The following N4BP2 variants were observed in gnomAD, a reference collection of about 807,000 sequenced individuals.
N4BP2 encodes the protein NEDD4 binding protein 2, also known as NEDD4-binding protein 2.
In N4BP2, 91 loss-of-function variants were observed where a neutral mutation model predicts 152.8. The ratio of observed to expected loss-of-function variants is 0.60; its 90% CI spans 0.50 to 0.71. The LOEUF is 0.71. Among genes scored for constraint, N4BP2 ranks in the 30% least tolerant of loss-of-function variants. The pLI is 0.00. For synonymous variants in N4BP2, 646 were observed against 705.3 expected (o/e 0.92, Z 1.33); for missense variants, 1,923 against 2,059.1 (o/e 0.93, Z 1.28).
rs537042367 is a variant in N4BP2, at chr4:40,158,245, T to C, written c.*4008T>C. ...ACATACTTAATTTAATAAAATACTT[T>C]AGCCACAGTCCAGTGTGAGGAAATC... On this transcript the variant is annotated 3_prime_UTR_variant, in exon 18 of 18. Coordinates refer to ENST00000261435, the MANE Select transcript of N4BP2 (RefSeq NM_018177.6). 1.3e-5 allele frequency: 2 copies of C among 152,232 alleles called. No individual in the cohort carries two copies. The highest frequency in any genetic ancestry group is 1.3e-4 in the Admixed American group (2 of 15,286). The allele number at this position is 152,232 out of a possible 1,614,324, so 9.4% of individuals were successfully genotyped here. A position where few individuals can be genotyped will look rare whatever the true frequency, so the allele number is the denominator to read the frequency against.
At chr4:40,129,221 ATTTTG>A (rs1362620517) in intron 12 of N4BP2, among the ~76,000 whole-genome samples, 1 of 148,060 alleles carries the variant, frequency 6.8e-6, no homozygotes, top group African/African-American at 2.5e-5. Context: ...GCTAGTTTTT[ATTTTG>A]TTTTGTTTTG....
At chr4:40,089,729 AC>A (rs1714349724) in intron 2 of N4BP2, among the ~76,000 whole-genome samples, 1 of 151,970 alleles carries the variant, frequency 6.6e-6, no homozygotes, top group South Asian at 2.1e-4. Context: ...GAGCCACTGC[AC>A]CCAGCCACGA....
chr4:40,133,894 C>T (rs1402902937), intron 13 of N4BP2, among the ~76,000 whole-genome samples: 5 of 152,164 alleles, frequency 3.3e-5, no homozygotes, highest in Non-Finnish European at 7.4e-5. Flanking sequence ...CAGCCTTGAC[C>T]TCCTAAGCTC....
At chr4:40,073,057 T>G (rs1712370550) in intron 1 of N4BP2, among the ~76,000 whole-genome samples, 1 of 152,174 alleles carries the variant, frequency 6.6e-6, no homozygotes, top group Non-Finnish European at 1.5e-5. Flanking sequence ...CCTAATGATT[T>G]TAGCATTCAT....
chr4:40,121,308 T>C lies in N4BP2; in HGVS notation c.3197T>C (p.Ile1066Thr). Residue 1066 changes from isoleucine to threonine, a missense_variant, in exon 9 of 18, where the codon ATT becomes ACT. Ile to Thr is a moderately conservative substitution (Grantham distance 89). Coordinates refer to ENST00000261435, the MANE Select transcript of N4BP2 (RefSeq NM_018177.6). ...INTKSDVQEA[I>T]PYRVMYDKST... Reference sequence around the variant, plus strand: ...ACAAAATCAGACGTTCAAGAAGCAATTCCATATAGAGTAATGTATGATAAA... The same window carrying C: ...ACAAAATCAGACGTTCAAGAAGCAACTCCATATAGAGTAATGTATGATAAA... The C allele has an allele frequency of 6.2e-7, 1 of 1,613,938 alleles. No homozygotes were observed. The highest frequency in any genetic ancestry group is 8.5e-7 in the Non-Finnish European group (1 of 1,179,966).
intron 14 of N4BP2, among the ~76,000 whole-genome samples, chr4:40,141,404 A>G (rs1428559147): frequency 2.0e-5 from 3 of 151,090 alleles, no homozygotes; most frequent in Non-Finnish European, 4.4e-5. Flanking sequence ...CTCACCTCCC[A>G]GACGGGGTCG....
intron 2 of N4BP2, among the ~76,000 whole-genome samples, chr4:40,082,347 A>T (rs1713470667): frequency 6.6e-6 from 1 of 152,008 alleles, no homozygotes; most frequent in African/African-American, 2.4e-5. Context: ...CCATTATGTC[A>T]ATCTAAAGAG....
intron 3 of N4BP2, among the ~76,000 whole-genome samples, chr4:40,097,966 C>T (rs1715253753): frequency 1.3e-5 from 2 of 152,152 alleles, no homozygotes; most frequent in African/African-American, 4.8e-5. Context: ...CCTTACCACC[C>T]AGTTGTGACA....
At position 40,120,388 on chromosome 4, in the gene N4BP2, A is replaced by G; in HGVS notation, c.2277A>G (p.Arg759=). The G allele has an allele frequency of 6.2e-7, 1 of 1,613,944 alleles. No homozygotes were observed. The highest frequency in any genetic ancestry group is 8.5e-7 in the Non-Finnish European group (1 of 1,180,008). Residue 759 remains arginine, a synonymous_variant, in exon 9 of 18, where the codon AGA becomes AGG. Transcript: ENST00000261435. ...CACCTGGTGAAATAGTGGAAGAAAGAGCAACAGTAACGAAAAAAGCCTTTG... is the reference window on the plus strand; with the variant it reads ...CACCTGGTGAAATAGTGGAAGAAAGGGCAACAGTAACGAAAAAAGCCTTTG... ...KSSPGEIVEE[R]ATVTKKAFGK... is the part of the protein sequence containing the mutation.
intron 13 of N4BP2, among the ~76,000 whole-genome samples, chr4:40,133,020 T>C (rs926818559): frequency 2.0e-5 from 3 of 152,142 alleles, no homozygotes; most frequent in Non-Finnish European, 4.4e-5. Flanking sequence ...AGCCCGCCAT[T>C]TTTCCCTCTG....
intron 2 of N4BP2, among the ~76,000 whole-genome samples, chr4:40,087,131 ATGTT>A (rs2109931078): frequency 6.6e-6 from 1 of 152,190 alleles, no homozygotes; most frequent in African/African-American, 2.4e-5. Context: ...ATTGGGTTCA[ATGTT>A]CTATAGATAT....
chr4:40,116,316 T>TTA (rs1717328658), intron 7 of N4BP2, among the ~76,000 whole-genome samples: 1 of 152,158 alleles, frequency 6.6e-6, no homozygotes, highest in Admixed American at 6.6e-5. Flanking sequence ...TTAGAATTAT[T>TTA]CATATAATTG....
At chr4:40,062,831 A>G (rs1056390011) in intron 1 of N4BP2, among the ~76,000 whole-genome samples, 2 of 152,182 alleles carry the variant, frequency 1.3e-5, no homozygotes, top group Non-Finnish European at 2.9e-5. Context: ...TGGTAGCTCT[A>G]GGAGAAAGCC....
the N4BP2 span, among the ~76,000 whole-genome samples, chr4:40,188,995 A>C: frequency 6.6e-6 from 1 of 151,696 alleles, no homozygotes; most frequent in Admixed American, 6.6e-5. Flanking sequence ...AAATACAAAA[A>C]ATTAGCCGGG....
intron 2 of N4BP2, among the ~76,000 whole-genome samples, chr4:40,085,777 C>G (rs1057242374): frequency 6.6e-6 from 1 of 152,102 alleles, no homozygotes; most frequent in African/African-American, 2.4e-5. Context: ...AGAGATTGAT[C>G]AGCTGTTTAA....
chr4:40,174,075 A>G, the N4BP2 span, among the ~76,000 whole-genome samples: 1 of 152,230 alleles, frequency 6.6e-6, no homozygotes, highest in Non-Finnish European at 1.5e-5. Context: ...ACAACTGGAT[A>G]GCTATTGTCA....
intron 14 of N4BP2, chr4:40,142,336 G>A: frequency 3.1e-6 from 1 of 319,012 alleles, no homozygotes. Context: ...AGTTGGGCTG[G>A]GGGTGACTGG....
In N4BP2 at chr4:40,103,096, A is replaced by C; in HGVS notation, c.1251A>C (p.Thr417=). The part of the protein sequence containing the change: ...PTKVWRNKDG[T]SAYQVQETPV... ...AAGTATGGAGAAATAAAGATGGAAC[A>C]AGTGCTTATCAAGTACAAGAAACCC... Residue 417 remains threonine (T), a synonymous_variant, in exon 4 of 18, where the codon ACA becomes ACC. Transcript: ENST00000261435. 1 of 1,614,210 alleles carries C rather than the reference A, an allele frequency of 6.2e-7. No individual in the cohort carries two copies. The highest frequency in any genetic ancestry group is 1.3e-5 in the African/African-American group (1 of 75,050).
intron 1 of N4BP2, among the ~76,000 whole-genome samples, chr4:40,068,284 T>G (rs1378793035): frequency 6.6e-6 from 1 of 152,234 alleles, no homozygotes; most frequent in East Asian, 1.9e-4. Context: ...TATTATTCTG[T>G]TGATTGTTTC....
Sources: gnomAD v4.1 joint callset for allele counts (sites outside exome capture counted in the v4.1 genomes callset) on GRCh38, gnomAD v4.1.1 for gene constraint, MANE v1.5 for transcripts, NCBI Gene and HGNC (gene_info 2026-07-23, HGNC 2026-07-21) for gene names.